Variants in ELMO3 observed in about 807,000 individuals in gnomAD.
ELMO3 encodes engulfment and cell motility 3, also known as engulfment and cell motility protein 3.
ELMO3 carries 81 observed loss-of-function variants against 89.0 expected under a neutral mutation model. The ratio of observed to expected loss-of-function variants is 0.91; its 90% CI spans 0.76 to 1.09. The LOEUF (loss-of-function observed/expected upper bound fraction) is 1.09, where lower values mean the gene tolerates loss of function less well. Ranked by LOEUF, ELMO3 falls within the 50% of genes least tolerant of loss-of-function variation. The pLI is 0.00. For missense variants in ELMO3, 959 were observed against 972.8 expected (o/e 0.99, Z 0.19); for synonymous variants, 406 against 400.6 (o/e 1.01, Z -0.16).
chr16:67,201,449 G>A lies in ELMO3; in HGVS notation c.795+14G>A, dbSNP rs565522399. 3.5e-5 allele frequency: 57 copies of A among 1,613,972 alleles called. No homozygotes were observed. In the African/African-American group the frequency reaches 6.4e-4, roughly 18 times the overall value. On this transcript the variant is annotated intron_variant, in intron 9 of 19. Transcript: ENST00000393997. Reference sequence around the variant, plus strand: ...TTCATCTATAAGGTAGGAAGTGGTGGGCCAGGGGGACCTCTCTGCCCCTCC... The same window carrying A: ...TTCATCTATAAGGTAGGAAGTGGTGAGCCAGGGGGACCTCTCTGCCCCTCC...
chr16:67,201,349 G>A (rs371349288), intron 8 of ELMO3, 36 bp from the exon 9 acceptor site: 118 of 1,610,176 alleles, frequency 7.3e-5, no homozygotes, highest in East Asian at 3.4e-4. Flanking sequence ...GAGCCACCGC[G>A]CCCAGCCTAA....
chr16:67,201,059 T>G, intron 8 of ELMO3, 91 bp downstream of exon 8: 2 of 1,385,074 alleles, frequency 1.4e-6, no homozygotes, highest in Non-Finnish European at 1.9e-6. Context: ...CTTTTTTTTT[T>G]TTTTGAGATG....
At chr16:67,201,254 T>G in intron 8 of ELMO3, 131 bp from the exon 9 acceptor site, 1 of 1,021,138 alleles carries the variant, frequency 9.8e-7, no homozygotes, top group Admixed American at 2.3e-5. Context: ...AGACGGGGTT[T>G]CACTGTGTTA....
In ELMO3 at chr16:67,203,167, A is replaced by G; in HGVS notation, c.1724A>G (p.Tyr575Cys). The G allele has an allele frequency of 3.1e-6, 5 of 1,612,372 alleles. No homozygotes were observed. Among genetic ancestry groups the G allele is most frequent in the Non-Finnish European group, 4.2e-6 (5 of 1,179,842 alleles). The change falls in exon 17 of 20, where the codon TAC becomes TGC. Residue 575 changes from tyrosine to cysteine, a missense_variant. Physicochemically the swap from Tyr to Cys is radical, Grantham distance 194. Coordinates refer to ENST00000393997, the MANE Select transcript of ELMO3 (RefSeq NM_024712.5). The surrounding 1 kb of genome is among the most constrained non-coding windows in gnomAD (Gnocchi z 4.6). ...TCCCCCAACCACAAGCTGCTGCAGT[A>G]CGGAGACATGGAGGAGGGCGCCAGC... ...CLSPNHKLLQYGDMEEGASPP... is the reference protein window; with the variant it reads ...CLSPNHKLLQCGDMEEGASPP...
chr16:67,199,698 A>C lies in ELMO3; in HGVS notation c.134A>C (p.His45Pro). ...GTGCCCCTCAGGTGGAGCCTGACGC[A>C]CTCTGAGCGTTACGCCCTGCAGTTT... ...KEVCDAWSLTHSERYALQFAD... is the reference protein window; with the variant it reads ...KEVCDAWSLTPSERYALQFAD... Residue 45 changes from histidine (H) to proline (P), a missense_variant, in exon 3 of 20, where the codon CAC (histidine) becomes CCC (proline). His to Pro is a moderately conservative substitution (Grantham distance 77, BLOSUM62 -2). Coordinates refer to ENST00000393997, the MANE Select transcript of ELMO3 (RefSeq NM_024712.5). The C allele has an allele frequency of 6.2e-7, 1 of 1,610,054 alleles. No homozygotes were observed. Among genetic ancestry groups the C allele is most frequent in the Non-Finnish European group, 8.5e-7 (1 of 1,179,678 alleles).
Position 67,203,822 on chromosome 16 carries a change from C to T in ELMO3, c.2108C>T (p.Pro703Leu), listed in dbSNP as rs779441744. 2 of 1,605,788 alleles carry T rather than the reference C, an allele frequency of 1.2e-6. No individual in the cohort carries two copies. Among genetic ancestry groups the T allele is most frequent in the South Asian group, 2.2e-5 (2 of 90,428 alleles). ...ATCCCCGAGCGGCCACCCCCTGTGC[C>T]CCCACCCCCCACCAACTTCAACTTC... ...VPIPERPPPV[P>L]PPPTNFNFCY... The change falls in exon 20 of 20, where the codon CCC (proline) becomes CTC (leucine). Residue 703 changes from proline (P) to leucine (L), a missense_variant. By Grantham distance (98) the Pro-to-Leu change is moderately conservative (BLOSUM62 -3). Transcript: ENST00000393997. The surrounding 1 kb of genome is among the most constrained non-coding windows in gnomAD (Gnocchi z 4.6).
At chr16:67,199,628 G>A in intron 2 of ELMO3, 35 bp downstream of exon 2, 1 of 1,607,954 alleles carries the variant, frequency 6.2e-7, no homozygotes, top group Non-Finnish European at 8.5e-7. Flanking sequence ...GCGGAGGGCG[G>A]GAGGGCAGGA....
Position 67,201,639 on chromosome 16 carries a change from C to G in ELMO3, c.915C>G (p.Ser305Arg). ...TGCGGACGCCCCTGGACCCCTACAG[C>G]CAGGTGTGTGTCTTTGGTGAGGACA... ...PRMRTPLDPYSQEQREQLQVL... is the reference protein window; with the variant it reads ...PRMRTPLDPYRQEQREQLQVL... Residue 305 changes from serine to arginine, a missense_variant, in exon 10 of 20, where the codon AGC (serine) becomes AGG (arginine). Transcript: ENST00000393997. 6.2e-7 allele frequency: 1 copy of G among 1,612,342 alleles called. No individual in the cohort carries two copies. Among genetic ancestry groups the G allele is most frequent in the Non-Finnish European group, 8.5e-7 (1 of 1,179,930 alleles).
chr16:67,199,393 C>T lies in ELMO3; in HGVS notation c.67C>T (p.Gln23Ter), dbSNP rs1240189555. 1.9e-6 allele frequency: 3 copies of T among 1,607,408 alleles called. No homozygotes were observed. In the South Asian group the frequency reaches 3.3e-5, roughly 18 times the overall value. Residue 23 changes from glutamine (Q) to a stop codon, truncating the protein, a stop_gained, in exon 1 of 20, where the codon CAG (glutamine) becomes TAG (stop). Coordinates refer to ENST00000393997, the MANE Select transcript of ELMO3 (RefSeq NM_024712.5). LOFTEE classifies it high-confidence loss of function. ...GCGTGACGCCATCCCGCAGCTCATC[C>T]AGCTGGACCAGGTCACCCGGCTGGT... is the stretch of plus-strand genomic sequence containing the variant. ...KMRDAIPQLI[Q>*]LDQAKPLAAV...
chr16:67,201,702 A>G, intron 10 of ELMO3, 40 bp from the exon 11 acceptor site: 1 of 1,607,688 alleles, frequency 6.2e-7, no homozygotes, highest in Non-Finnish European at 8.5e-7. Flanking sequence ...TTGAATCTAT[A>G]ATCTTGATCC....
In ELMO3 at chr16:67,202,521, G is replaced by A; in HGVS notation, c.1386G>A (p.Glu462=). ...KTWKEMRATQ[E]DFDKVMQVVR... Reference sequence around the variant, plus strand: ...GGAAGGAGATGCGGGCTACACAGGAGGACTTCGACAAGGTGGGTGGGGTGG... The same window carrying A: ...GGAAGGAGATGCGGGCTACACAGGAAGACTTCGACAAGGTGGGTGGGGTGG... Residue 462 remains glutamate (E), a synonymous_variant, in exon 14 of 20, where the codon GAG becomes GAA. Transcript: ENST00000393997. The A allele has an allele frequency of 6.2e-7, 1 of 1,612,542 alleles. No homozygotes were observed. The highest frequency in any genetic ancestry group is 8.5e-7 in the Non-Finnish European group (1 of 1,179,990).
chr16:67,203,441 C>T lies in ELMO3; in HGVS notation c.1863+32C>T. ...ACAGCGGGCCAGGGGCTCCTTCCCACCCGCCCCCGCCTACCCTGTCCCCTG... is the reference window on the plus strand; with the variant it reads ...ACAGCGGGCCAGGGGCTCCTTCCCATCCGCCCCCGCCTACCCTGTCCCCTG... On this transcript the variant is annotated intron_variant, in intron 18 of 19. Coordinates refer to ENST00000393997, the MANE Select transcript of ELMO3 (RefSeq NM_024712.5). This position sits in a 1 kb window ranked among gnomAD's most constrained non-coding sequence, Gnocchi z 4.6. 6.2e-7 allele frequency: 1 copy of T among 1,609,676 alleles called. No individual in the cohort carries two copies. Among genetic ancestry groups the T allele is most frequent in the Admixed American group, 1.7e-5 (1 of 59,904 alleles).
At chr16:67,199,520 C>T (rs748486757) in intron 1 of ELMO3, 33 bp from the exon 2 acceptor site, 4 of 1,590,828 alleles carry the variant, frequency 2.5e-6, no homozygotes, top group Non-Finnish European at 2.6e-6. Flanking sequence ...TCCCTCCCTG[C>T]CCAGGCCGCG....
Position 67,201,541 on chromosome 16 carries a change from C to A in ELMO3, c.817C>A (p.Pro273Thr), listed in dbSNP as rs756553568. The change falls in exon 10 of 20, where the codon CCA becomes ACA. Residue 273 changes from proline (P) to threonine (T), a missense_variant. Physicochemically the swap from Pro to Thr is conservative, Grantham distance 38 (BLOSUM62 -1). Coordinates refer to ENST00000393997, the MANE Select transcript of ELMO3 (RefSeq NM_024712.5). ...IYKNIIHSAA[P>T]MGDEMAHHLY... ...GCAGAACATCATCCACAGTGCAGCA[C>A]CAATGGGCGACGAGATGGCTCATCA... The A allele has an allele frequency of 1.2e-6, 2 of 1,614,080 alleles. No individual in the cohort carries two copies. Among genetic ancestry groups the A allele is most frequent in the South Asian group, 1.1e-5 (1 of 91,090 alleles).
At position 67,199,932 on chromosome 16, in the gene ELMO3, T is replaced by A; in HGVS notation, c.193-19T>A. 6.2e-7 allele frequency: 1 copy of A among 1,613,850 alleles called. No individual in the cohort carries two copies. The highest frequency in any genetic ancestry group is 8.5e-7 in the Non-Finnish European group (1 of 1,180,010). On this transcript the variant is annotated intron_variant, in intron 3 of 19. Coordinates refer to ENST00000393997, the MANE Select transcript of ELMO3 (RefSeq NM_024712.5). ...GGAGCCCTCCCTGACCTCGCTGCCT[T>A]TTCTGCTGTCTTCTCCAGAACCGCG...
chr16:67,201,498 C>T (rs1567691998), intron 9 of ELMO3, 22 bp from the exon 10 acceptor site: 3 of 1,613,866 alleles, frequency 1.9e-6, no homozygotes, highest in Non-Finnish European at 2.5e-6. Context: ...CTCGCTTACA[C>T]CAGGGACTGG....
chr16:67,201,049 CTTTTT>C, intron 8 of ELMO3, 81 bp downstream of exon 8: 4 of 1,136,766 alleles, frequency 3.5e-6, no homozygotes, highest in Non-Finnish European at 4.7e-6. Flanking sequence ...CTAAGCCCCC[CTTTTT>C]TTTTTTTTTG....
rs775013467 is a variant in ELMO3 at position 67,202,214 on chromosome 16, G to A, written c.1191G>A (p.Glu397=). The change falls in exon 13 of 20, where the codon GAG becomes GAA. Residue 397 remains glutamate, a synonymous_variant. Coordinates refer to ENST00000393997, the MANE Select transcript of ELMO3 (RefSeq NM_024712.5). ...ACAGCAGCCGCGAGGACAAGCACGAGTGCCCCTTTGCCCGGGGCAGCATCC... is the reference window on the plus strand; with the variant it reads ...ACAGCAGCCGCGAGGACAAGCACGAATGCCCCTTTGCCCGGGGCAGCATCC... ...LENSSREDKH[E]CPFARGSIQL... 1 of 1,605,600 alleles carries A rather than the reference G, an allele frequency of 6.2e-7. No individual in the cohort carries two copies. The highest frequency in any genetic ancestry group is 1.1e-5 in the South Asian group (1 of 90,570).
chr16:67,199,712 G>A lies in ELMO3; in HGVS notation c.148G>A (p.Ala50Thr), dbSNP rs1440891671. 9.3e-6 allele frequency: 15 copies of A among 1,611,032 alleles called. No homozygotes were observed. The highest frequency in any genetic ancestry group is 1.2e-5 in the Non-Finnish European group (14 of 1,179,874). ...GAGCCTGACGCACTCTGAGCGTTAC[G>A]CCCTGCAGTTTGCGGATGGGCACCG... ...AWSLTHSERYALQFADGHRRY... is the reference protein window; with the variant it reads ...AWSLTHSERYTLQFADGHRRY... The change falls in exon 3 of 20, where the codon GCC (alanine) becomes ACC (threonine). Residue 50 changes from alanine to threonine, a missense_variant. By Grantham distance (58) the Ala-to-Thr change is moderately conservative (BLOSUM62 0). Transcript: ENST00000393997.
Sources: gnomAD v4.1 joint callset for allele counts on GRCh38, gnomAD v4.1.1 for gene constraint, Gnocchi (gnomAD v3.1) non-coding constraint, MANE v1.5 for transcripts, NCBI Gene and HGNC (gene_info 2026-07-23, HGNC 2026-07-21) for gene names.